The following MEOX2 variants were observed in gnomAD, a reference collection of about 807,000 sequenced individuals.
MEOX2 encodes mesenchyme homeobox 2.
A neutral mutation model predicts 27.0 loss-of-function variants in MEOX2; 11 were observed. That is an observed-to-expected ratio of 0.41 (90% CI 0.26 to 0.68). MEOX2 has a LOEUF of 0.68. Ranked by LOEUF, MEOX2 falls within the 30% of genes least tolerant of loss-of-function variation. MEOX2 has a pLI of 0.33. For synonymous variants in MEOX2, 189 were observed against 155.4 expected (o/e 1.22, Z -1.61); for missense variants, 436 against 385.4 (o/e 1.13, Z -1.10).
chr7:15,612,891 G>T (rs1001768979), intron 2 of MEOX2, among the ~76,000 whole-genome samples: 1 of 152,134 alleles, frequency 6.6e-6, no homozygotes, highest in African/African-American at 2.4e-5. Flanking sequence ...GTCATTTAAG[G>T]CACTCAAAGC....
chr7:15,674,606 C>A (rs1321085172), intron 1 of MEOX2, among the ~76,000 whole-genome samples: 1 of 150,902 alleles, frequency 6.6e-6, no homozygotes, highest in Non-Finnish European at 1.5e-5. Context: ...ATGGTGTTGT[C>A]TTTAGAAAAC....
At chr7:15,678,043 T>C (rs193007006) in intron 1 of MEOX2, among the ~76,000 whole-genome samples, 40 of 152,284 alleles carry the variant, frequency 2.6e-4, no homozygotes, top group African/African-American at 9.6e-4. Context: ...ACTGTAATCT[T>C]AGAAACATGG....
chr7:15,684,249 C>G (rs891148295), intron 1 of MEOX2, among the ~76,000 whole-genome samples: 1 of 152,118 alleles, frequency 6.6e-6, no homozygotes, highest in Non-Finnish European at 1.5e-5. Flanking sequence ...CTCATCAACC[C>G]GAACTGGGAT....
At chr7:15,631,583 C>A (rs1781403661) in intron 1 of MEOX2, among the ~76,000 whole-genome samples, 1 of 151,678 alleles carries the variant, frequency 6.6e-6, no homozygotes, top group African/African-American at 2.4e-5. Context: ...ATAGACTTGA[C>A]TTTTTCTCAA....
chr7:15,643,911 A>T (rs187602979), intron 1 of MEOX2, among the ~76,000 whole-genome samples: 28 of 152,186 alleles, frequency 1.8e-4, no homozygotes, highest in Non-Finnish European at 3.7e-4. Flanking sequence ...ATCACCTGTG[A>T]TGGGGTTGGT....
intron 1 of MEOX2, among the ~76,000 whole-genome samples, chr7:15,656,510 G>T (rs945197521): frequency 6.7e-6 from 1 of 148,558 alleles, no homozygotes; most frequent in Non-Finnish European, 1.5e-5. Flanking sequence ...TCATGTTTTT[G>T]AGTGTATCTC....
chr7:15,620,900 T>A (rs569780769), intron 2 of MEOX2, among the ~76,000 whole-genome samples: 200 of 152,322 alleles, frequency 1.3e-3, no homozygotes, highest in Middle Eastern at 3.4e-3. Context: ...TGTTTTGAAG[T>A]GAAAGGATCT....
Position 15,686,474 on chromosome 7 carries a change from T to C in MEOX2, c.-72A>G, listed in dbSNP as rs185756942. ...AAAGGCCACCACCCTCTGTCACTTT[T>C]TCACTGGAAACCGTGTGATTTTTTT... On this transcript the variant is annotated 5_prime_UTR_variant, in exon 1 of 3. Coordinates refer to ENST00000262041, the MANE Select transcript of MEOX2 (RefSeq NM_005924.5). 4.2e-3 allele frequency: 5,735 copies of C among 1,357,288 alleles called. 20 individuals carry two copies. The highest frequency in any genetic ancestry group is 0.016 in the Middle Eastern group (87 of 5,448). The allele number at this position is 1,357,288 out of a possible 1,614,324, so 84.1% of individuals were successfully genotyped here. A position where few individuals can be genotyped will look rare whatever the true frequency, so the allele number is the denominator to read the frequency against.
chr7:15,663,675 A>G (rs561905528), intron 1 of MEOX2, among the ~76,000 whole-genome samples: 2 of 152,240 alleles, frequency 1.3e-5, no homozygotes, highest in East Asian at 3.9e-4. Flanking sequence ...ATAGCACTAA[A>G]CTTATTTTTT....
intron 1 of MEOX2, chr7:15,678,812 A>C (rs1292946957): frequency 1.3e-5 from 2 of 152,064 alleles, no homozygotes; most frequent in Non-Finnish European, 1.5e-5. Context: ...CCTAAGCTGG[A>C]CCCTCCTCTA....
intron 2 of MEOX2, among the ~76,000 whole-genome samples, chr7:15,616,055 T>C (rs1037926113): frequency 2.0e-5 from 3 of 151,846 alleles, no homozygotes; most frequent in African/African-American, 7.2e-5. Context: ...AATTTTACCA[T>C]TTTATTTTTT....
At chr7:15,682,139 T>C (rs901931133) in intron 1 of MEOX2, among the ~76,000 whole-genome samples, 1 of 151,800 alleles carries the variant, frequency 6.6e-6, no homozygotes, top group Non-Finnish European at 1.5e-5. Context: ...TGGAAGTTTT[T>C]TTTTGTACTC....
chr7:15,681,761 T>C lies in MEOX2; in HGVS notation c.517+4125A>G, dbSNP rs3801428. 5.9e-5 allele frequency: 9 copies of C among 151,882 alleles called. No homozygotes were observed. In the East Asian group the frequency reaches 7.7e-4, roughly 13 times the overall value. 9.4% of individuals were successfully genotyped at this position (151,882 alleles called of 1,614,324 possible). On this transcript the variant is annotated intron_variant, in intron 1 of 2. Coordinates refer to ENST00000262041, the MANE Select transcript of MEOX2 (RefSeq NM_005924.5). ...ATGTCATTGTAAAGGTTTCTATTGA[T>C]AATTACCATAAACAAAGATTAAAAC...
chr7:15,621,718 C>G (rs1274372704), intron 2 of MEOX2, among the ~76,000 whole-genome samples: 1 of 152,126 alleles, frequency 6.6e-6, no homozygotes, highest in African/African-American at 2.4e-5. Flanking sequence ...GATAGACATG[C>G]ACATTTTATT....
At chr7:15,676,525 A>G (rs1011327592) in intron 1 of MEOX2, among the ~76,000 whole-genome samples, 2 of 152,132 alleles carry the variant, frequency 1.3e-5, no homozygotes, top group East Asian at 1.9e-4. Flanking sequence ...TTTTATTTAA[A>G]TTCTGTTTCC....
rs766302516 is a variant in MEOX2 at position 15,612,641 on chromosome 7, G to C, written c.691-30C>G. On this transcript the variant is annotated intron_variant, in intron 2 of 2. Transcript: ENST00000262041. ...AACCAAGAAAGGGAACAAACAAACA[G>C]AAAAAAAGAGATAATTAAAGTGACA... The C allele has an allele frequency of 3.2e-6, 5 of 1,576,652 alleles. No homozygotes were observed. The Admixed American group carries it at 8.6e-5, about 27-fold the overall frequency.
chr7:15,628,697 C>T lies in MEOX2; in HGVS notation c.518-1779G>A, dbSNP rs77988347. ...CAGGTAGGCCATGTTTACATGGTGCCAACTTACCTGGCTGCAAGGATGGAA... is the reference window on the plus strand; with the variant it reads ...CAGGTAGGCCATGTTTACATGGTGCTAACTTACCTGGCTGCAAGGATGGAA... On this transcript the variant is annotated intron_variant, in intron 1 of 2. Coordinates refer to ENST00000262041, the MANE Select transcript of MEOX2 (RefSeq NM_005924.5). Among the ~76,000 whole-genome samples the T allele has an allele frequency of 4.7e-3, 722 of 152,192 alleles. 6 individuals carry two copies. The highest frequency in any genetic ancestry group is 0.016 in the African/African-American group (675 of 41,552).
intron 1 of MEOX2, among the ~76,000 whole-genome samples, chr7:15,676,836 C>T (rs930660700): frequency 3.7e-4 from 56 of 149,432 alleles, no homozygotes; most frequent in African/African-American, 1.3e-3. Flanking sequence ...CCAGCCTGGG[C>T]AACAGAACAA....
intron 1 of MEOX2, among the ~76,000 whole-genome samples, chr7:15,657,014 T>G (rs1485879575): frequency 6.6e-6 from 1 of 152,138 alleles, no homozygotes; most frequent in Non-Finnish European, 1.5e-5. Flanking sequence ...AATGTTGTAC[T>G]ACTTCTTTCT....
Sources: allele counts gnomAD v4.1 joint callset (sites outside exome capture counted in the v4.1 genomes callset), GRCh38; gene constraint gnomAD v4.1.1; transcripts MANE v1.5; gene names NCBI Gene and HGNC (gene_info 2026-07-23, HGNC 2026-07-21).